The following GNG4 variants were observed in gnomAD, a reference collection of about 807,000 sequenced individuals.
The protein encoded by GNG4 is guanine nucleotide-binding protein G(I)/G(S)/G(O) subunit gamma-4.
GNG4 carries 4 observed loss-of-function variants against 5.8 expected under a neutral mutation model. The observed-to-expected ratio is 0.69, with a 90% CI of 0.34 to 1.57. The LOEUF is 1.57. GNG4 is among the 40% of genes most tolerant of loss of function. The pLI is 0.06. For synonymous variants in GNG4, 29 were observed against 32.9 expected, an observed-to-expected ratio of 0.88 and a Z score of 0.41; for missense variants, 96 against 95.1, an observed-to-expected ratio of 1.01 and a Z score of -0.04.
At chr1:235,562,822 T>C (rs1687103374) in intron 3 of GNG4, among the ~76,000 whole-genome samples, 1 of 152,112 alleles carries the variant, frequency 6.6e-6, no homozygotes, top group Non-Finnish European at 1.5e-5. Flanking sequence ...GATGTTTGAT[T>C]TTTTCCTCAG....
intron 1 of GNG4, among the ~76,000 whole-genome samples, chr1:235,618,955 C>T (rs1049463932): frequency 1.3e-5 from 2 of 151,036 alleles, no homozygotes; most frequent in African/African-American, 4.9e-5. Flanking sequence ...TGCACGCCGC[C>T]AGTGAGTTTT....
intron 1 of GNG4, among the ~76,000 whole-genome samples, chr1:235,614,440 TTCTC>T (rs200509684): frequency 2.0e-5 from 3 of 152,160 alleles, no homozygotes; most frequent in East Asian, 1.9e-4. Flanking sequence ...TCTTTTGAAT[TTCTC>T]TCTCTCTCTC....
intron 1 of GNG4, among the ~76,000 whole-genome samples, chr1:235,638,116 C>T (rs1018574033): frequency 2.0e-5 from 3 of 152,224 alleles, no homozygotes; most frequent in Admixed American, 6.5e-5. Context: ...TTTTAAACCC[C>T]TTCCAGGCGG....
At chr1:235,591,881 C>G (rs959704128) in intron 2 of GNG4, among the ~76,000 whole-genome samples, 1 of 152,212 alleles carries the variant, frequency 6.6e-6, no homozygotes, top group South Asian at 2.1e-4. Flanking sequence ...CAGCAGAGAA[C>G]CCGTTGTACG....
intron 1 of GNG4, among the ~76,000 whole-genome samples, chr1:235,610,942 G>C (rs1039522819): frequency 3.9e-5 from 6 of 152,142 alleles, no homozygotes; most frequent in Non-Finnish European, 5.9e-5. Context: ...ACAAAAATTT[G>C]CCAGGCGTGG....
At chr1:235,593,456 C>G (rs881069) in intron 2 of GNG4, among the ~76,000 whole-genome samples, 56,023 of 152,052 alleles carry the variant, frequency 0.37, 11,166 homozygotes, top group East Asian at 0.79. Flanking sequence ...TCCATGAGCA[C>G]TTGACAAGTA....
chr1:235,616,812 C>G (rs1222780298), intron 1 of GNG4, among the ~76,000 whole-genome samples: 1 of 152,066 alleles, frequency 6.6e-6, no homozygotes, highest in Non-Finnish European at 1.5e-5. Context: ...GATGTCAGCT[C>G]ACTGAAACCT....
At chr1:235,582,014 T>C (rs570989884) in intron 3 of GNG4, among the ~76,000 whole-genome samples, 1 of 152,330 alleles carries the variant, frequency 6.6e-6, no homozygotes, top group South Asian at 2.1e-4. Flanking sequence ...TTCAGGTCTC[T>C]GGCCATGGGG....
At position 235,552,065 on chromosome 1, in the gene GNG4, G is replaced by T. The variant is rs1235939867; in HGVS notation, c.*44C>A. 1 of 1,594,840 alleles carries T rather than the reference G, an allele frequency of 6.3e-7. No individual in the cohort carries two copies. The highest frequency in any genetic ancestry group is 8.6e-7 in the Non-Finnish European group (1 of 1,163,474). On this transcript the variant is annotated 3_prime_UTR_variant, in exon 4 of 4. Transcript: ENST00000391854. ...TAGAGCATGCATGGTCTCTACAGGG[G>T]ACTTTGAAGGTCAGAAAAGGAGGCG...
rs1021171137 is a variant in GNG4, at chr1:235,649,174, C to G, written c.-123+488G>C. Among the ~76,000 whole-genome samples the G allele has an allele frequency of 6.6e-6, 1 of 152,302 alleles. No individual in the cohort carries two copies. Among genetic ancestry groups the G allele is most frequent in the East Asian group, 1.9e-4 (1 of 5,156 alleles). On this transcript the variant is annotated intron_variant, in intron 1 of 3. Transcript: ENST00000391854. The surrounding 1 kb of genome is among the most constrained non-coding windows in gnomAD (Gnocchi z 5.7). The stretch of plus-strand genomic sequence containing the variant: ...GAGTGCTCCCGAGGCGGCGTCTGGG[C>G]TGCTGGGGAGCCAGGAGGGCTTCCT...
intron 3 of GNG4, among the ~76,000 whole-genome samples, chr1:235,553,793 G>A (rs138592746): frequency 0.016 from 2,398 of 152,298 alleles, 20 homozygotes; most frequent in Non-Finnish European, 0.024. Flanking sequence ...ACCCCCGCCC[G>A]TAAGCTAGCT....
At chr1:235,609,853 T>A (rs1003524068) in intron 1 of GNG4, among the ~76,000 whole-genome samples, 4 of 151,722 alleles carry the variant, frequency 2.6e-5, no homozygotes, top group Admixed American at 2.6e-4. Context: ...CCAGCCTGAA[T>A]GACAGAGCGA....
At chr1:235,594,558 G>A (rs1240582268) in intron 2 of GNG4, among the ~76,000 whole-genome samples, 1 of 152,204 alleles carries the variant, frequency 6.6e-6, no homozygotes, top group African/African-American at 2.4e-5. Flanking sequence ...GTGGGCTGCA[G>A]GTCCCGAGCC....
At chr1:235,619,612 C>T (rs907955096) in intron 1 of GNG4, among the ~76,000 whole-genome samples, 2 of 152,188 alleles carry the variant, frequency 1.3e-5, no homozygotes, top group South Asian at 4.1e-4. Flanking sequence ...TCAGGACTGA[C>T]TCCTGATAGG....
chr1:235,558,011 T>C (rs113397183), intron 3 of GNG4, among the ~76,000 whole-genome samples: 2,712 of 152,296 alleles, frequency 0.018, 74 homozygotes, highest in African/African-American at 0.06. Flanking sequence ...AAACGAGTTG[T>C]TCTTAGATTG....
chr1:235,598,727 A>T (rs1009884203), intron 1 of GNG4, among the ~76,000 whole-genome samples: 1 of 121,832 alleles, frequency 8.2e-6, no homozygotes, highest in South Asian at 2.6e-4. Context: ...GAAGCTTCCC[A>T]GGTGATTTTT....
intron 1 of GNG4, among the ~76,000 whole-genome samples, chr1:235,619,030 G>A (rs898050407): frequency 6.7e-6 from 1 of 149,218 alleles, no homozygotes; most frequent in African/African-American, 2.5e-5. Context: ...TGGGTGTGGT[G>A]AGTTCACGCC....
intron 2 of GNG4, among the ~76,000 whole-genome samples, chr1:235,587,661 T>TGAATGTGGGAGGGTGTGTG (rs1687842946): frequency 5.5e-5 from 1 of 18,282 alleles, no homozygotes; most frequent in Admixed American, 7.3e-4. Context: ...GTGTTGGGTG[T>TGAATGTGGGAGGGTGTGTG]GTGTGTGACT....
chr1:235,579,670 T>C (rs1687576447), intron 3 of GNG4, among the ~76,000 whole-genome samples: 1 of 151,692 alleles, frequency 6.6e-6, no homozygotes, highest in African/African-American at 2.4e-5. Flanking sequence ...GGCCAACATA[T>C]AGTAAAACCC....
Sources: gnomAD v4.1 joint callset for allele counts (sites outside exome capture counted in the v4.1 genomes callset) on GRCh38, gnomAD v4.1.1 for gene constraint, Gnocchi (gnomAD v3.1) non-coding constraint, MANE v1.5 for transcripts, NCBI Gene and HGNC (gene_info 2026-07-23, HGNC 2026-07-21) for gene names.